NSUN7: variants seen among roughly 807,000 people sequenced by gnomAD.
NSUN7 encodes protein NSUN7.
In NSUN7, 39 loss-of-function variants were observed where a neutral mutation model predicts 58.5. The observed-to-expected ratio is 0.67, with a 90% CI of 0.52 to 0.87. The LOEUF (loss-of-function observed/expected upper bound fraction) is 0.87. Ranked by LOEUF, NSUN7 falls within the 40% of genes least tolerant of loss-of-function variation. NSUN7 has a pLI of 0.00. For synonymous variants in NSUN7, 278 were observed against 303.7 expected (o/e 0.92, Z 0.88); for missense variants, 765 against 844.1 (o/e 0.91, Z 1.16).
At position 40,760,491 on chromosome 4, in the gene NSUN7, T is replaced by C; in HGVS notation, c.356T>C (p.Ile119Thr). The C allele has an allele frequency of 1.9e-6, 3 of 1,587,322 alleles. No individual in the cohort carries two copies. The highest frequency in any genetic ancestry group is 2.6e-6 in the Non-Finnish European group (3 of 1,159,500). Residue 119 changes from isoleucine (I) to threonine (T), a missense_variant and splice_region_variant, in exon 3 of 12, where the codon ATA becomes ACA. Transcript: ENST00000381782. ...IDSCIFPSTT[I>T]PDHLSSLIIV... The stretch of plus-strand genomic sequence containing the variant: ...AGCTGTATCTTCCCAAGTACCACAA[T>C]AGTAAGTAGATAAGTTTTAGAATTA...
At chr4:40,756,189 G>A (rs754784876) in intron 2 of NSUN7, among the ~76,000 whole-genome samples, 2 of 152,194 alleles carry the variant, frequency 1.3e-5, no homozygotes, top group Non-Finnish European at 2.9e-5. Flanking sequence ...AATATCCAGA[G>A]TTTGGCCACC....
intron 7 of NSUN7, among the ~76,000 whole-genome samples, chr4:40,787,352 AAG>A (rs1243590946): frequency 6.6e-6 from 1 of 151,422 alleles, no homozygotes; most frequent in Non-Finnish European, 1.5e-5. Context: ...AAAATAAAAA[AAG>A]TGATTTTAAA....
At chr4:40,755,758 A>G (rs1315820759) in intron 2 of NSUN7, among the ~76,000 whole-genome samples, 1 of 152,242 alleles carries the variant, frequency 6.6e-6, no homozygotes, top group African/African-American at 2.4e-5. Context: ...ACTCATGGTT[A>G]TAGTTTATTA....
chr4:40,783,639 G>A (rs975853565), intron 7 of NSUN7, among the ~76,000 whole-genome samples: 11 of 152,142 alleles, frequency 7.2e-5, no homozygotes, highest in Middle Eastern at 3.2e-3. Context: ...CCTGAGGTCA[G>A]GAGTTCAAGA....
At chr4:40,792,445 A>G (rs139114708) in intron 8 of NSUN7, among the ~76,000 whole-genome samples, 1 of 152,296 alleles carries the variant, frequency 6.6e-6, no homozygotes, top group East Asian at 1.9e-4. Context: ...AGATGATAGG[A>G]TAAGCTAAGA....
chr4:40,777,250 G>A (rs1033244548), intron 7 of NSUN7, among the ~76,000 whole-genome samples: 1 of 152,186 alleles, frequency 6.6e-6, no homozygotes, highest in Admixed American at 6.5e-5. Context: ...CTGCCTGCCA[G>A]AAGCAAAAGT....
In NSUN7 at chr4:40,786,406, G is replaced by C. The variant is rs1164643549; in HGVS notation, c.1037-4196G>C. ...CAGATGCACAGATGGCATTGTGTTT[G>C]TTGTGGACTCTGTTGATGTCGAAAG... On this transcript the variant is annotated intron_variant, in intron 7 of 11. Transcript: ENST00000381782. 3.1e-6 allele frequency: 5 copies of C among 1,612,020 alleles called. No individual in the cohort carries two copies. In the South Asian group the frequency reaches 5.5e-5, roughly 18 times the overall value.
At chr4:40,771,241 T>C (rs2465560) in intron 4 of NSUN7, among the ~76,000 whole-genome samples, 1,939 of 152,296 alleles carry the variant, frequency 0.013, 30 homozygotes, top group African/African-American at 0.042. Flanking sequence ...ATCAGGACTC[T>C]AGTCTCTGCT....
At chr4:40,804,438 CA>C (rs397817300) in intron 10 of NSUN7, among the ~76,000 whole-genome samples, 2,370 of 108,932 alleles carry the variant, frequency 0.022, 20 homozygotes, top group Middle Eastern at 0.081. Flanking sequence ...GACTCCATCT[CA>C]AAAAAAAAAA....
At chr4:40,765,960 A>G (rs931616663) in intron 4 of NSUN7, among the ~76,000 whole-genome samples, 22 of 152,220 alleles carry the variant, frequency 1.4e-4, no homozygotes, top group African/African-American at 5.1e-4. Flanking sequence ...GAAGTTGCTT[A>G]TCAGCTTAAG....
chr4:40,799,019 G>T, intron 10 of NSUN7, 115 bp downstream of exon 10: 20 of 206,368 alleles, frequency 9.7e-5, no homozygotes, highest in East Asian at 1.4e-4. Flanking sequence ...ACTTTAGTAT[G>T]ATAAAATTGC....
chr4:40,755,761 G>A (rs1221492163), intron 2 of NSUN7, among the ~76,000 whole-genome samples: 2 of 152,226 alleles, frequency 1.3e-5, no homozygotes, highest in African/African-American at 4.8e-5. Context: ...CATGGTTATA[G>A]TTTATTACAG....
intron 7 of NSUN7, among the ~76,000 whole-genome samples, chr4:40,788,607 C>G (rs1248891722): frequency 6.6e-6 from 1 of 152,154 alleles, no homozygotes; most frequent in African/African-American, 2.4e-5. Context: ...TAGAGGGTGC[C>G]GAGAGACTTT....
intron 7 of NSUN7, among the ~76,000 whole-genome samples, chr4:40,782,567 AAAAG>A (rs1560556662): frequency 6.6e-6 from 1 of 151,646 alleles, no homozygotes; most frequent in African/African-American, 2.4e-5. Context: ...AAAAAAGAAA[AAAAG>A]AAAAGAGAAA....
intron 8 of NSUN7, among the ~76,000 whole-genome samples, chr4:40,792,370 T>C (rs1326806668): frequency 6.6e-6 from 1 of 151,852 alleles, no homozygotes; most frequent in Non-Finnish European, 1.5e-5. Flanking sequence ...AAAATACAAA[T>C]AAGGAAAGTG....
intron 10 of NSUN7, among the ~76,000 whole-genome samples, 176 bp downstream of exon 10, chr4:40,799,080 T>C (rs1467771945): frequency 7.3e-6 from 1 of 136,644 alleles, no homozygotes; most frequent in Non-Finnish European, 1.6e-5. Flanking sequence ...TTTCTTTTTT[T>C]TTTTTTTTTT....
At chr4:40,757,659 A>G (rs541887583) in intron 2 of NSUN7, among the ~76,000 whole-genome samples, 2 of 145,830 alleles carry the variant, frequency 1.4e-5, no homozygotes, top group East Asian at 4.0e-4. Flanking sequence ...CATTGTGTAT[A>G]TATATACATT....
At chr4:40,781,810 CA>C (rs765941178) in intron 7 of NSUN7, among the ~76,000 whole-genome samples, 41 of 151,724 alleles carry the variant, frequency 2.7e-4, no homozygotes, top group Non-Finnish European at 5.6e-4. Context: ...TAAAAGGATA[CA>C]AAAAAACTTC....
At chr4:40,750,548 C>G (rs1166084153) in intron 1 of NSUN7, 55 bp from the exon 2 acceptor site, 1 of 939,248 alleles carries the variant, frequency 1.1e-6, no homozygotes, top group African/African-American at 1.6e-5. Flanking sequence ...AGGGGGCCAC[C>G]CACAGGGGTG....
Sources: gnomAD v4.1 joint callset for allele counts (sites outside exome capture counted in the v4.1 genomes callset) on GRCh38, gnomAD v4.1.1 for gene constraint, MANE v1.5 for transcripts, NCBI Gene and HGNC (gene_info 2026-07-23, HGNC 2026-07-21) for gene names.